Variants in SMIM31 observed in about 807,000 individuals in gnomAD.
SMIM31 encodes the protein human epithelial cell program regulator.
At chr4:164,771,741 G>A (rs771846224) in intron 2 of SMIM31, among the ~76,000 whole-genome samples, 6 of 152,100 alleles carry the variant, frequency 3.9e-5, no homozygotes, top group Admixed American at 1.3e-4. Flanking sequence ...CACAGGAGGC[G>A]GAGGTTGCAG....
rs929417589 is a variant in SMIM31, at chr4:164,756,559, G to A, written c.-26+2148G>A. Among the ~76,000 whole-genome samples, 23 of 149,256 alleles carry A rather than the reference G, an allele frequency of 1.5e-4. No individual in the cohort carries two copies. The South Asian group carries it at 1.7e-3, about 11-fold the overall frequency. On this transcript the variant is annotated intron_variant, in intron 1 of 2. Transcript: ENST00000507311. Reference sequence around the variant, plus strand: ...TGCACTCGAGACTGGGGGACAGAGCGAGACTCTGTCTCAAAAAAAAAATAA... The same window carrying A: ...TGCACTCGAGACTGGGGGACAGAGCAAGACTCTGTCTCAAAAAAAAAATAA...
chr4:164,770,683 T>C (rs1732788799), intron 2 of SMIM31, 128 bp downstream of exon 2: 1 of 394,730 alleles, frequency 2.5e-6, no homozygotes, highest in East Asian at 3.6e-5. Flanking sequence ...TGTTTTTGTT[T>C]TGTGGCATGT....
chr4:164,764,521 C>T (rs1320196367), intron 1 of SMIM31, among the ~76,000 whole-genome samples: 3 of 149,862 alleles, frequency 2.0e-5, no homozygotes, highest in South Asian at 2.1e-4. Flanking sequence ...GAGCCAAGAT[C>T]GCGCCACTGC....
intron 2 of SMIM31, among the ~76,000 whole-genome samples, chr4:164,772,585 A>ATTTTATTAT (rs70952642): frequency 7.0e-6 from 1 of 142,698 alleles, no homozygotes; most frequent in East Asian, 2.0e-4. Flanking sequence ...TTTTTATTTT[A>ATTTTATTAT]TTTTTTTTTT....
intron 1 of SMIM31, among the ~76,000 whole-genome samples, chr4:164,757,801 C>T: frequency 7.4e-6 from 1 of 134,810 alleles, no homozygotes; most frequent in Non-Finnish European, 1.6e-5. Context: ...ACAAATACTA[C>T]ACTCTTTTGA....
At chr4:164,794,018 A>G (rs958155142) in intron 2 of SMIM31, among the ~76,000 whole-genome samples, 2 of 152,202 alleles carry the variant, frequency 1.3e-5, no homozygotes, top group South Asian at 4.1e-4. Context: ...AAATACTTAT[A>G]AATAAATGAT....
chr4:164,788,778 G>A (rs898037140), intron 2 of SMIM31, among the ~76,000 whole-genome samples: 5 of 151,988 alleles, frequency 3.3e-5, no homozygotes, highest in African/African-American at 7.2e-5. Context: ...GAGCCACCAC[G>A]CCCGGCCCTT....
chr4:164,792,163 C>T (rs1733110112), intron 2 of SMIM31, among the ~76,000 whole-genome samples: 1 of 152,162 alleles, frequency 6.6e-6, no homozygotes, highest in South Asian at 2.1e-4. Flanking sequence ...TCAGAATGCT[C>T]TCAAGTGACA....
chr4:164,787,870 C>T (rs1412291101), intron 2 of SMIM31, among the ~76,000 whole-genome samples: 4 of 152,074 alleles, frequency 2.6e-5, no homozygotes, highest in African/African-American at 7.2e-5. Context: ...GATTTAGACA[C>T]GTATTTGTTC....
rs991069037 is a variant in SMIM31, at chr4:164,803,053, A to G, written c.*1859A>G. 23 of 152,232 alleles carry G rather than the reference A, an allele frequency of 1.5e-4. No individual in the cohort carries two copies. The highest frequency in any genetic ancestry group is 5.1e-4 in the African/African-American group (21 of 41,456). 9.4% of individuals were successfully genotyped at this position (152,232 alleles called of 1,614,324 possible). On this transcript the variant is annotated 3_prime_UTR_variant, in exon 3 of 3. Transcript: ENST00000507311. ...ATGGATGAGAGATAGTATAAGTAAA[A>G]TGTGTAACTCAGTGCCTAGGATCGT...
intron 2 of SMIM31, among the ~76,000 whole-genome samples, chr4:164,772,252 A>C (rs111446467): frequency 1.5e-4 from 21 of 138,096 alleles, no homozygotes; most frequent in African/African-American, 5.5e-4. Flanking sequence ...GGGAGGTGCT[A>C]GACACTTTTA....
intron 1 of SMIM31, among the ~76,000 whole-genome samples, chr4:164,764,460 G>A (rs370243608): frequency 2.6e-5 from 4 of 152,022 alleles, no homozygotes; most frequent in East Asian, 1.9e-4. Context: ...CCAGCTACTC[G>A]GGAGGCTGAG....
intron 2 of SMIM31, among the ~76,000 whole-genome samples, chr4:164,788,423 AAACT>A (rs1405628480): frequency 2.0e-5 from 3 of 150,776 alleles, no homozygotes; most frequent in Non-Finnish European, 1.5e-5. Context: ...TATTTCAAAT[AAACT>A]AACTACTCGT....
At chr4:164,762,056 T>G (rs979703472) in intron 1 of SMIM31, among the ~76,000 whole-genome samples, 5 of 151,804 alleles carry the variant, frequency 3.3e-5, no homozygotes, top group African/African-American at 1.2e-4. Flanking sequence ...CGTGAAAGAG[T>G]CACCTCACCT....
intron 2 of SMIM31, among the ~76,000 whole-genome samples, chr4:164,792,601 A>G (rs887277170): frequency 2.6e-5 from 4 of 152,162 alleles, no homozygotes; most frequent in African/African-American, 4.8e-5. Context: ...TTGTCTTTTT[A>G]ATTTTTTGTT....
At chr4:164,787,204 C>T (rs1471736508) in intron 2 of SMIM31, 1 of 152,044 alleles carries the variant, frequency 6.6e-6, no homozygotes, top group Non-Finnish European at 1.5e-5. Context: ...GGATTAGTTA[C>T]TACTTTCTGG....
intron 2 of SMIM31, among the ~76,000 whole-genome samples, chr4:164,779,443 C>T (rs756987914): frequency 2.0e-5 from 3 of 152,174 alleles, no homozygotes; most frequent in Non-Finnish European, 2.9e-5. Context: ...TAGCAAAAGA[C>T]CAAACTGAGA....
intron 1 of SMIM31, among the ~76,000 whole-genome samples, chr4:164,765,930 A>G (rs1732714792): frequency 6.6e-6 from 1 of 152,156 alleles, no homozygotes; most frequent in Admixed American, 6.5e-5. Context: ...TTGGCCCTTG[A>G]TGCATGCACA....
intron 1 of SMIM31, among the ~76,000 whole-genome samples, chr4:164,765,986 A>T (rs905671007): frequency 6.6e-6 from 1 of 152,226 alleles, no homozygotes; most frequent in African/African-American, 2.4e-5. Flanking sequence ...AGCATGTTCC[A>T]TGCTGTCCCC....
Sources: gnomAD v4.1 joint callset for allele counts (sites outside exome capture counted in the v4.1 genomes callset) on GRCh38, gnomAD v4.1.1 for gene constraint, MANE v1.5 for transcripts, NCBI Gene and HGNC (gene_info 2026-07-23, HGNC 2026-07-21) for gene names.